The following PLEKHH3 variants were observed in gnomAD, a reference collection of about 807,000 sequenced individuals.
The protein encoded by PLEKHH3 is pleckstrin homology domain-containing family H member 3.
In PLEKHH3, 57 loss-of-function variants were observed where a neutral mutation model predicts 77.8. That is an observed-to-expected ratio of 0.73 (90% CI 0.59 to 0.91). The LOEUF is 0.91. Ranked by LOEUF, PLEKHH3 falls within the 40% of genes least tolerant of loss-of-function variation. The pLI is 0.00. For missense variants in PLEKHH3, 1,082 were observed against 1,091.2 expected (o/e 0.99, Z 0.12); for synonymous variants, 467 against 504.8 (o/e 0.93, Z 1.00).
At position 42,673,780 on chromosome 17, in the gene PLEKHH3, C is replaced by G; in HGVS notation, c.353G>C (p.Arg118Pro). The change falls in exon 4 of 13, where the codon CGC becomes CCC. Residue 118 changes from arginine (R) to proline (P), a missense_variant. Transcript: ENST00000591022. ...GGGARPWLPP[R>P]RAWFVLTRDS... ...CCGCGTGAGCACAAACCAGGCTCGG[C>G]GCGGGGGCAGCCAGGGCCGCGCCCC... is the stretch of plus-strand genomic sequence containing the variant. The G allele has an allele frequency of 1.3e-6, 2 of 1,592,796 alleles. No individual in the cohort carries two copies. The highest frequency in any genetic ancestry group is 1.7e-6 in the Non-Finnish European group (2 of 1,175,898).
rs1567956065 is a variant in PLEKHH3, at chr17:42,669,958, C to G, written c.1973G>C (p.Gly658Ala). ...AYLALAAQCPGFGAARYDVLE... is the reference protein window; with the variant it reads ...AYLALAAQCPAFGAARYDVLE... Reference sequence around the variant, plus strand: ...AACGTCATACCGAGCAGCGCCGAACCCCGGACACTGCGCCGCCAGGGCCAG... The same window carrying G: ...AACGTCATACCGAGCAGCGCCGAACGCCGGACACTGCGCCGCCAGGGCCAG... The change falls in exon 11 of 13, where the codon GGG becomes GCG. Residue 658 changes from glycine to alanine, a missense_variant. Gly to Ala is a moderately conservative substitution (Grantham distance 60, BLOSUM62 0). Coordinates refer to ENST00000591022, the MANE Select transcript of PLEKHH3 (RefSeq NM_024927.5). 6.2e-7 allele frequency: 1 copy of G among 1,613,192 alleles called. No homozygotes were observed. The highest frequency in any genetic ancestry group is 8.5e-7 in the Non-Finnish European group (1 of 1,179,910).
In PLEKHH3 at chr17:42,668,018, G is replaced by A. The variant is rs2052592133; in HGVS notation, c.*109C>T. The A allele has an allele frequency of 1.1e-6, 1 of 934,244 alleles. No individual in the cohort carries two copies. The highest frequency in any genetic ancestry group is 1.4e-6 in the Non-Finnish European group (1 of 713,756). 57.9% of individuals were successfully genotyped at this position (934,244 alleles called of 1,614,324 possible). ...ACACCCATTGTAGCCCTTGGGTGTGGGATGTGCCCTGTCCCTGCAGGGCCA... is the reference window on the plus strand; with the variant it reads ...ACACCCATTGTAGCCCTTGGGTGTGAGATGTGCCCTGTCCCTGCAGGGCCA... On this transcript the variant is annotated 3_prime_UTR_variant, in exon 13 of 13. Transcript: ENST00000591022.
Position 42,670,075 on chromosome 17 carries a change from T to C in PLEKHH3, c.1856A>G (p.Glu619Gly), listed in dbSNP as rs1304807275. 27 of 1,452,686 alleles carry C rather than the reference T, an allele frequency of 1.9e-5. No homozygotes were observed. Among genetic ancestry groups the C allele is most frequent in the East Asian group, 2.9e-5 (1 of 35,028 alleles). The allele number at this position is 1,452,686 out of a possible 1,614,324, so 90.0% of individuals were successfully genotyped here. A position where few individuals can be genotyped will look rare whatever the true frequency, so the allele number is the denominator to read the frequency against. ...AGRTAGSIAR[E>G]GGGGAGTAAA... ...TGCCGTGCCGGCGCCGCCTCCTCCC[T>C]CGCGGGCAATGCTTCCCGCAGTGCG... Residue 619 changes from glutamate (E) to glycine (G), a missense_variant, in exon 11 of 13, where the codon GAG (glutamate) becomes GGG (glycine). Physicochemically the swap from Glu to Gly is moderately conservative, Grantham distance 98. Coordinates refer to ENST00000591022, the MANE Select transcript of PLEKHH3 (RefSeq NM_024927.5).
rs1419003596 is a variant in PLEKHH3 at position 42,676,865 on chromosome 17, T to TG, written c.-303dup. On this transcript the variant is annotated 5_prime_UTR_variant, in exon 1 of 13. Transcript: ENST00000591022. The surrounding 1 kb of genome is among the most constrained non-coding windows in gnomAD (Gnocchi z 6.6). ...GTGTCCGTTGGAGTGTCCAGCCCTG[T>TG]GGGGGGCAGTGTCCGGTGCAGCGTC... 2.2e-5 allele frequency: 9 copies of TG among 400,032 alleles called. No individual in the cohort carries two copies. Among genetic ancestry groups the TG allele is most frequent in the Non-Finnish European group, 4.1e-5 (9 of 218,864 alleles). The allele number at this position is 400,032 out of a possible 1,614,324, so 24.8% of individuals were successfully genotyped here. A position where few individuals can be genotyped will look rare whatever the true frequency, so the allele number is the denominator to read the frequency against.
rs1295637596 is a variant in PLEKHH3, at chr17:42,672,180, C to T, written c.982G>A (p.Ala328Thr). 3 of 1,550,858 alleles carry T rather than the reference C, an allele frequency of 1.9e-6. No individual in the cohort carries two copies. The African/African-American group carries it at 4.1e-5, about 21-fold the overall frequency. ...PPGLPATQDP[A>T]ALRYWQLLTC... The stretch of plus-strand genomic sequence containing the variant: ...AGGAGTTGCCAGTACCGCAGGGCCG[C>T]AGGGTCTTGGGTAGCCGGGAGCCCG... Residue 328 changes from alanine (A) to threonine (T), a missense_variant, in exon 7 of 13, where the codon GCG becomes ACG. This residue lies in a region of PLEKHH3 where 733 missense variants were observed against 750.0 expected (regional missense o/e 0.98). Coordinates refer to ENST00000591022, the MANE Select transcript of PLEKHH3 (RefSeq NM_024927.5).
In PLEKHH3 at chr17:42,673,473, C is replaced by T. The variant is rs1226899794; in HGVS notation, c.574G>A (p.Val192Met). 4 of 1,611,108 alleles carry T rather than the reference C, an allele frequency of 2.5e-6. No individual in the cohort carries two copies. The highest frequency in any genetic ancestry group is 1.7e-5 in the Admixed American group (1 of 59,624). The change falls in exon 5 of 13, where the codon GTG (valine) becomes ATG (methionine). Residue 192 changes from valine to methionine, a missense_variant. Physicochemically the swap from Val to Met is conservative, Grantham distance 21. Coordinates refer to ENST00000591022, the MANE Select transcript of PLEKHH3 (RefSeq NM_024927.5). ...GAGGCGATCACTTCCCGCAATGCCACCCCCCAGCGCTCAGCCTCTGCCTGG... is the reference window on the plus strand; with the variant it reads ...GAGGCGATCACTTCCCGCAATGCCATCCCCCAGCGCTCAGCCTCTGCCTGG... Reference protein sequence around the residue: ...PRQAEAERWGVALREVIASKA... With the variant: ...PRQAEAERWGMALREVIASKA...
rs1482752149 is a variant in PLEKHH3, at chr17:42,670,113, G to T, written c.1818C>A (p.Arg606=). Residue 606 remains arginine, a synonymous_variant, in exon 11 of 13, where the codon CGC becomes CGA. Coordinates refer to ENST00000591022, the MANE Select transcript of PLEKHH3 (RefSeq NM_024927.5). ...LAKRRAERAR[R]GGAGRTAGSI... Reference sequence around the variant, plus strand: ...TTCCCGCAGTGCGGCCGGCCCCGCCGCGCCGGGCCCGCTCCGCCCGCCTCT... The same window carrying T: ...TTCCCGCAGTGCGGCCGGCCCCGCCTCGCCGGGCCCGCTCCGCCCGCCTCT... 7.6e-7 allele frequency: 1 copy of T among 1,307,752 alleles called. No individual in the cohort carries two copies. Among genetic ancestry groups the T allele is most frequent in the South Asian group, 2.2e-5 (1 of 44,514 alleles). 81.0% of individuals were successfully genotyped at this position (1,307,752 alleles called of 1,614,324 possible).
intron 9 of PLEKHH3, 59 bp downstream of exon 9, chr17:42,670,931 AGACT>A (rs1192213385): frequency 9.5e-6 from 15 of 1,580,152 alleles, no homozygotes; most frequent in African/African-American, 1.4e-5. Context: ...GTCCGCTTAG[AGACT>A]GACCTCAGCT....
At position 42,676,063 on chromosome 17, in the gene PLEKHH3, T is replaced by C. The variant is rs2052819434; in HGVS notation, c.162+339A>G. The C allele has an allele frequency of 1.1e-5, 13 of 1,165,958 alleles. No individual in the cohort carries two copies. The highest frequency in any genetic ancestry group is 1.4e-5 in the Non-Finnish European group (13 of 942,936). The allele number at this position is 1,165,958 out of a possible 1,614,324, so 72.2% of individuals were successfully genotyped here. ...GAGCCGCCCAGCCGGCCTCGCCACATTCCTCGGCGCTGGCGGAGGCGGAAG... is the reference window on the plus strand; with the variant it reads ...GAGCCGCCCAGCCGGCCTCGCCACACTCCTCGGCGCTGGCGGAGGCGGAAG... On this transcript the variant is annotated intron_variant, in intron 1 of 12. Transcript: ENST00000591022. This position sits in a 1 kb window ranked among gnomAD's most constrained non-coding sequence, Gnocchi z 6.6.
Position 42,671,094 on chromosome 17 carries a change from G to T in PLEKHH3, c.1321C>A (p.Arg441=). 6.3e-7 allele frequency: 1 copy of T among 1,599,816 alleles called. No individual in the cohort carries two copies. Among genetic ancestry groups the T allele is most frequent in the Non-Finnish European group, 8.5e-7 (1 of 1,171,618 alleles). The change falls in exon 9 of 13, where the codon CGG becomes AGG. Residue 441 remains arginine, a synonymous_variant. Coordinates refer to ENST00000591022, the MANE Select transcript of PLEKHH3 (RefSeq NM_024927.5). The surrounding 1 kb of genome is among the most constrained non-coding windows in gnomAD (Gnocchi z 4.7). ...RELVGRLGLA[R]SRNAFALYEQ... is the part of the protein sequence containing the mutation. ...TACAGCGCGAATGCGTTGCGGCTCCGGGCCAAGCCCAGCCGCCCCACCAGC... is the reference window on the plus strand; with the variant it reads ...TACAGCGCGAATGCGTTGCGGCTCCTGGCCAAGCCCAGCCGCCCCACCAGC...
chr17:42,669,557 G>A lies in PLEKHH3; in HGVS notation c.2078C>T (p.Ser693Phe). The A allele has an allele frequency of 6.2e-7, 1 of 1,612,236 alleles. No homozygotes were observed. The highest frequency in any genetic ancestry group is 2.2e-5 in the East Asian group (1 of 44,856). ...LGLGAKAMSLSRPGETEPIHS... is the reference protein window; with the variant it reads ...LGLGAKAMSLFRPGETEPIHS... Reference sequence around the variant, plus strand: ...GATGGGCTCCGTCTCCCCTGGCCGGGAGAGGGACATGGCCTTGGCTCCCAA... The same window carrying A: ...GATGGGCTCCGTCTCCCCTGGCCGGAAGAGGGACATGGCCTTGGCTCCCAA... The change falls in exon 12 of 13, where the codon TCC (serine) becomes TTC (phenylalanine). Residue 693 changes from serine to phenylalanine, a missense_variant. This residue lies in a region of PLEKHH3 where 733 missense variants were observed against 750.0 expected (regional missense o/e 0.98). Transcript: ENST00000591022.
In PLEKHH3 at chr17:42,676,023, G is replaced by A; in HGVS notation, c.162+379C>T. ...CGCACTTGCGAACTGGGAGCGGAGG[G>A]GGACCCAGGCGTTCGAGCCGCCCAG... On this transcript the variant is annotated intron_variant, in intron 1 of 12. Transcript: ENST00000591022. The surrounding 1 kb of genome is among the most constrained non-coding windows in gnomAD (Gnocchi z 6.6). The A allele has an allele frequency of 9.1e-7, 1 of 1,095,658 alleles. No homozygotes were observed. The highest frequency in any genetic ancestry group is 7.7e-5 in the East Asian group (1 of 13,054). 67.9% of individuals were successfully genotyped at this position (1,095,658 alleles called of 1,614,324 possible). A position where few individuals can be genotyped will look rare whatever the true frequency, so the allele number is the denominator to read the frequency against.
Position 42,671,696 on chromosome 17 carries a change from A to C in PLEKHH3, c.1077-138T>G. 1 of 957,494 alleles carries C rather than the reference A, an allele frequency of 1.0e-6. No individual in the cohort carries two copies. Among genetic ancestry groups the C allele is most frequent in the Non-Finnish European group, 1.5e-6 (1 of 653,444 alleles). 59.3% of individuals were successfully genotyped at this position (957,494 alleles called of 1,614,324 possible). On this transcript the variant is annotated intron_variant, in intron 7 of 12. Transcript: ENST00000591022. The surrounding 1 kb of genome is among the most constrained non-coding windows in gnomAD (Gnocchi z 4.7). ...CTCAAGTTCTTTGAAGGCTCTTCTA[A>C]ATCTCTCCCCAGTGCTTTGCATAGA...
Position 42,671,341 on chromosome 17 carries a change from C to G in PLEKHH3, c.1284+10G>C. ...GGGTTGGAGGTCATGGGGCCTTTCT[C>G]TGGCCTCACCTCCCCCGCCGTGGTG... On this transcript the variant is annotated intron_variant, in intron 8 of 12. Transcript: ENST00000591022. The surrounding 1 kb of genome is among the most constrained non-coding windows in gnomAD (Gnocchi z 4.7). The G allele has an allele frequency of 6.2e-7, 1 of 1,611,260 alleles. No homozygotes were observed. The highest frequency in any genetic ancestry group is 8.5e-7 in the Non-Finnish European group (1 of 1,179,290).
Position 42,676,770 on chromosome 17 carries a change from C to T in PLEKHH3, c.-207G>A, listed in dbSNP as rs930331733. The T allele has an allele frequency of 1.7e-6, 1 of 599,834 alleles. No individual in the cohort carries two copies. The highest frequency in any genetic ancestry group is 2.0e-5 in the South Asian group (1 of 49,628). 37.2% of individuals were successfully genotyped at this position (599,834 alleles called of 1,614,324 possible). ...GAGGGGGGCTCAGTGTCTGGGCCCC[C>T]GGAGGGGGGAGGGGGAAAAGCGTCC... On this transcript the variant is annotated 5_prime_UTR_variant, in exon 1 of 13. Coordinates refer to ENST00000591022, the MANE Select transcript of PLEKHH3 (RefSeq NM_024927.5). This position sits in a 1 kb window ranked among gnomAD's most constrained non-coding sequence, Gnocchi z 6.6.
Position 42,671,324 on chromosome 17 carries a change from G to A in PLEKHH3, c.1284+27C>T, listed in dbSNP as rs756664921. On this transcript the variant is annotated intron_variant, in intron 8 of 12. Transcript: ENST00000591022. The surrounding 1 kb of genome is among the most constrained non-coding windows in gnomAD (Gnocchi z 4.7). The stretch of plus-strand genomic sequence containing the variant: ...TGAGAAGCTGGCAGGGTGGGTTGGA[G>A]GTCATGGGGCCTTTCTCTGGCCTCA... 5.7e-5 allele frequency: 91 copies of A among 1,607,562 alleles called. No homozygotes were observed. The highest frequency in any genetic ancestry group is 7.4e-5 in the Non-Finnish European group (87 of 1,177,224).
chr17:42,672,313 G>C lies in PLEKHH3; in HGVS notation c.849C>G (p.Pro283=), dbSNP rs778738328. Residue 283 remains proline, a synonymous_variant, in exon 7 of 13, where the codon CCC becomes CCG. Coordinates refer to ENST00000591022, the MANE Select transcript of PLEKHH3 (RefSeq NM_024927.5). ...ALQALEGARR[P]GPLMQGVLQT... Reference sequence around the variant, plus strand: ...GGAGCACACCCTGCATCAAGGGCCCGGGGCGCCGCGCCCCCTCCAGCGCCT... The same window carrying C: ...GGAGCACACCCTGCATCAAGGGCCCCGGGCGCCGCGCCCCCTCCAGCGCCT... 76 of 1,548,450 alleles carry C rather than the reference G, an allele frequency of 4.9e-5. No homozygotes were observed. The highest frequency in any genetic ancestry group is 5.8e-5 in the Non-Finnish European group (66 of 1,146,630).
At position 42,672,041 on chromosome 17, in the gene PLEKHH3, G is replaced by C. The variant is rs1460784566; in HGVS notation, c.1076+45C>G. 9 of 1,409,346 alleles carry C rather than the reference G, an allele frequency of 6.4e-6. No homozygotes were observed. In the East Asian group the frequency reaches 2.3e-4, roughly 36 times the overall value. The allele number at this position is 1,409,346 out of a possible 1,614,324, so 87.3% of individuals were successfully genotyped here. ...AAGACCTTTCATTCTCTCCCAGCCC[G>C]GTAGCTCCTCGCCTAGGCCGTAACC... On this transcript the variant is annotated intron_variant, in intron 7 of 12. Transcript: ENST00000591022.
chr17:42,671,522 T>G lies in PLEKHH3; in HGVS notation c.1113A>C (p.Glu371Asp). 1 of 1,612,524 alleles carries G rather than the reference T, an allele frequency of 6.2e-7. No homozygotes were observed. The highest frequency in any genetic ancestry group is 8.5e-7 in the Non-Finnish European group (1 of 1,179,770). The change falls in exon 8 of 13, where the codon GAA becomes GAC. Residue 371 changes from glutamate to aspartate, a missense_variant. By Grantham distance (45) the Glu-to-Asp change is conservative. Transcript: ENST00000591022. This position sits in a 1 kb window ranked among gnomAD's most constrained non-coding sequence, Gnocchi z 4.7. ...GCGCTTTCCGGATGAAGCGCGCATATTCCGCCAGTTCCGAGTCCGGGAGTG... is the reference window on the plus strand; with the variant it reads ...GCGCTTTCCGGATGAAGCGCGCATAGTCCGCCAGTTCCGAGTCCGGGAGTG... ...EQALPDSELA[E>D]YARFIRKALG...
Sources: gnomAD v4.1 joint callset for allele counts on GRCh38, gnomAD v4.1.1 for gene constraint, gnomAD v4.1.1 regional missense constraint, Gnocchi (gnomAD v3.1) non-coding constraint, MANE v1.5 for transcripts, NCBI Gene and HGNC (gene_info 2026-07-23, HGNC 2026-07-21) for gene names.